CDH12: variants seen among roughly 807,000 people sequenced by gnomAD.
CDH12 encodes the protein cadherin-12.
Under a neutral mutation model 74.1 loss-of-function variants are expected in CDH12, and 41 were observed. The observed-to-expected ratio is 0.55, with a 90% confidence interval of 0.43 to 0.72. CDH12 has a LOEUF of 0.72. CDH12 is among the 30% of genes least tolerant of loss of function. The pLI is 0.00. For synonymous variants in CDH12, 399 were observed against 355.0 expected, an observed-to-expected ratio of 1.12 and a Z score of -1.39; for missense variants, 945 against 977.2, an observed-to-expected ratio of 0.97 and a Z score of 0.44.
intron 1 of CDH12, among the ~76,000 whole-genome samples, chr5:22,681,130 C>T (rs1741461656): frequency 6.6e-6 from 1 of 151,182 alleles, no homozygotes; most frequent in Admixed American, 6.6e-5. Flanking sequence ...TAGAAAATAA[C>T]CAAAATTTTA....
At chr5:22,097,035 C>G (rs547243549) in intron 4 of CDH12, among the ~76,000 whole-genome samples, 29 of 152,260 alleles carry the variant, frequency 1.9e-4, no homozygotes, top group African/African-American at 6.5e-4. Flanking sequence ...CCAGCCACAT[C>G]TCCAGCACAC....
In CDH12 at chr5:22,400,016, T is replaced by A. The variant is rs566158534; in HGVS notation, c.-333+5241A>T. Among the ~76,000 whole-genome samples the A allele has an allele frequency of 1.5e-4, 23 of 152,286 alleles. No homozygotes were observed. The South Asian group carries it at 4.6e-3, about 30-fold the overall frequency. On this transcript the variant is annotated intron_variant, in intron 3 of 14. Coordinates refer to ENST00000382254, the MANE Select transcript of CDH12 (RefSeq NM_004061.5). The stretch of plus-strand genomic sequence containing the variant: ...TCCTGTTTTATTAAATAATTATTTG[T>A]GCACAGAATCCTGGACTCCTCCCTT...
chr5:21,789,183 ACATAT>A (rs1341095040), intron 10 of CDH12, among the ~76,000 whole-genome samples: 1 of 152,156 alleles, frequency 6.6e-6, no homozygotes, highest in Admixed American at 6.6e-5. Flanking sequence ...TATGTTACAT[ACATAT>A]ATGTCACAAG....
chr5:21,751,632 T>TTGTG lies in CDH12; in HGVS notation c.*101_*104dup, dbSNP rs70957059. The TTGTG allele has an allele frequency of 2.6e-3, 1,473 of 572,742 alleles. 7 individuals carry two copies. Among genetic ancestry groups the TTGTG allele is most frequent in the African/African-American group, 0.012 (584 of 50,536 alleles). The allele number at this position is 572,742 out of a possible 1,614,324, so 35.5% of individuals were successfully genotyped here. A position where few individuals can be genotyped will look rare whatever the true frequency, so the allele number is the denominator to read the frequency against. On this transcript the variant is annotated 3_prime_UTR_variant, in exon 15 of 15. Transcript: ENST00000382254. ...AGAGTGTGTGTGTGTGTGTGTGTGTTTGTGTGTGTGTGTGTGTGTGAGAGA... is the reference window on the plus strand; with the variant it reads ...AGAGTGTGTGTGTGTGTGTGTGTGTTTGTGTGTGTGTGTGTGTGTGTGTGAGAGA...
intron 1 of CDH12, among the ~76,000 whole-genome samples, chr5:22,845,267 C>G (rs956151955): frequency 6.6e-6 from 1 of 152,038 alleles, no homozygotes; most frequent in Admixed American, 6.6e-5. Flanking sequence ...AATAACATCA[C>G]CAGCTAATGA....
In CDH12 at chr5:22,200,091, T is replaced by G. The variant is rs1376700069; in HGVS notation, c.-187+12407A>C. ...GCTGTTGTTTACTCTATATTGATTTTTAGAGTATTTTACCTCACTTCATAT... is the reference window on the plus strand; with the variant it reads ...GCTGTTGTTTACTCTATATTGATTTGTAGAGTATTTTACCTCACTTCATAT... On this transcript the variant is annotated intron_variant, in intron 4 of 14. Coordinates refer to ENST00000382254, the MANE Select transcript of CDH12 (RefSeq NM_004061.5). Among the ~76,000 whole-genome samples, 3 of 152,020 alleles carry G rather than the reference T, an allele frequency of 2.0e-5. No homozygotes were observed. The East Asian group carries it at 5.8e-4, about 29-fold the overall frequency.
At chr5:22,220,220 ATG>A (rs1476713733) in intron 3 of CDH12, among the ~76,000 whole-genome samples, 3 of 151,830 alleles carry the variant, frequency 2.0e-5, no homozygotes, top group Admixed American at 6.6e-5. Flanking sequence ...GTACATGCGT[ATG>A]TGTGTGTGCA....
At chr5:22,713,038 A>G (rs1580915878) in intron 1 of CDH12, among the ~76,000 whole-genome samples, 1 of 152,012 alleles carries the variant, frequency 6.6e-6, no homozygotes, top group African/African-American at 2.4e-5. Context: ...CTTGGCATAC[A>G]TCAGAGAATA....
intron 1 of CDH12, among the ~76,000 whole-genome samples, chr5:22,787,762 T>C (rs1324282313): frequency 6.6e-6 from 1 of 152,162 alleles, no homozygotes; most frequent in African/African-American, 2.4e-5. Flanking sequence ...GGCTTATACA[T>C]GCACATACGG....
intron 1 of CDH12, among the ~76,000 whole-genome samples, chr5:22,698,496 C>T (rs1315912410): frequency 1.3e-5 from 2 of 151,014 alleles, no homozygotes; most frequent in African/African-American, 2.4e-5. Flanking sequence ...CATTGAAGCT[C>T]GTTAAAGCCT....
chr5:22,032,199 T>C (rs1003012748), intron 5 of CDH12, among the ~76,000 whole-genome samples: 1 of 152,070 alleles, frequency 6.6e-6, no homozygotes, highest in Non-Finnish European at 1.5e-5. Flanking sequence ...TAACATATAA[T>C]GTGCATATCT....
chr5:22,170,944 C>T (rs372317371), intron 4 of CDH12, among the ~76,000 whole-genome samples: 1 of 151,824 alleles, frequency 6.6e-6, no homozygotes, highest in East Asian at 1.9e-4. Context: ...TGTTAGAATT[C>T]GTGATCATCT....
At chr5:22,487,997 C>T (rs190988127) in intron 2 of CDH12, among the ~76,000 whole-genome samples, 5 of 152,174 alleles carry the variant, frequency 3.3e-5, no homozygotes, top group Admixed American at 6.5e-5. Context: ...TTTGATACCA[C>T]GTCCATCACA....
At chr5:22,246,447 G>T (rs1388737988) in intron 3 of CDH12, among the ~76,000 whole-genome samples, 1 of 152,096 alleles carries the variant, frequency 6.6e-6, no homozygotes, top group Non-Finnish European at 1.5e-5. Context: ...TGTAGGCTTT[G>T]AAATTTCAGC....
chr5:22,476,173 C>A (rs1309010045), intron 2 of CDH12, among the ~76,000 whole-genome samples: 1 of 151,910 alleles, frequency 6.6e-6, no homozygotes, highest in Non-Finnish European at 1.5e-5. Flanking sequence ...TTTGGAAATT[C>A]TGCTTATTTT....
intron 1 of CDH12, among the ~76,000 whole-genome samples, chr5:22,520,699 C>T (rs1410079731): frequency 1.3e-5 from 2 of 152,132 alleles, no homozygotes; most frequent in African/African-American, 2.4e-5. Flanking sequence ...AAGTATCACT[C>T]TTCAGTGATC....
chr5:22,124,740 T>C (rs553106147), intron 4 of CDH12, among the ~76,000 whole-genome samples: 2 of 152,340 alleles, frequency 1.3e-5, no homozygotes, highest in South Asian at 4.1e-4. Flanking sequence ...GATCTTCACA[T>C]GGGTGAGGAT....
rs187484012 is a variant in CDH12, at chr5:22,550,032, C to T, written c.-522-44668G>A. On this transcript the variant is annotated intron_variant, in intron 1 of 14. Coordinates refer to ENST00000382254, the MANE Select transcript of CDH12 (RefSeq NM_004061.5). Reference sequence around the variant, plus strand: ...CCAAGTGCTGTAGCCATGTCTCAGTCTTCCTTTCATTCCACTTTCTTAGCA... The same window carrying T: ...CCAAGTGCTGTAGCCATGTCTCAGTTTTCCTTTCATTCCACTTTCTTAGCA... Among the ~76,000 whole-genome samples, 11 of 152,274 alleles carry T rather than the reference C, an allele frequency of 7.2e-5. No homozygotes were observed. In the East Asian group the frequency reaches 1.9e-3, roughly 27 times the overall value.
chr5:22,236,504 G>A (rs1752564696), intron 3 of CDH12, among the ~76,000 whole-genome samples: 2 of 151,884 alleles, frequency 1.3e-5, no homozygotes, highest in East Asian at 1.9e-4. Context: ...AGGCCGAGGT[G>A]GGCAGATCAC....
Sources: allele counts gnomAD v4.1 joint callset (sites outside exome capture counted in the v4.1 genomes callset), GRCh38; gene constraint gnomAD v4.1.1; transcripts MANE v1.5; gene names NCBI Gene and HGNC (gene_info 2026-07-23, HGNC 2026-07-21).